RNF157: variants seen among roughly 807,000 people sequenced by gnomAD.
RNF157 encodes E3 ubiquitin ligase RNF157.
In RNF157, 55 loss-of-function variants were observed where a neutral mutation model predicts 88.3. The observed-to-expected ratio is 0.62, with a 90% CI of 0.50 to 0.78. The LOEUF is 0.78. Among genes scored for constraint, RNF157 ranks in the 30% least tolerant of loss-of-function variants. The pLI, the probability that RNF157 is intolerant of heterozygous loss-of-function variation, is 0.00. For synonymous variants in RNF157, 334 were observed against 341.2 expected, an observed-to-expected ratio of 0.98 and a Z score of 0.23; for missense variants, 788 against 860.8, an observed-to-expected ratio of 0.92 and a Z score of 1.06.
At chr17:76,189,698 C>A (rs527525149) in intron 2 of RNF157, among the ~76,000 whole-genome samples, 80 of 152,168 alleles carry the variant, frequency 5.3e-4, no homozygotes, top group Non-Finnish European at 9.8e-4. Context: ...ATCCCCATGG[C>A]TGAGGAAACA....
intron 2 of RNF157, among the ~76,000 whole-genome samples, chr17:76,191,951 T>G (rs1004413054): frequency 2.6e-5 from 4 of 152,196 alleles, no homozygotes; most frequent in African/African-American, 9.6e-5. Flanking sequence ...TCTTTGACAA[T>G]ACAATACAGA....
intron 17 of RNF157, chr17:76,153,379 C>T (rs893078957): frequency 2.0e-5 from 3 of 152,278 alleles, no homozygotes; most frequent in East Asian, 1.9e-4. Context: ...AGGTGGGAGC[C>T]GTCAGGTCCA....
At chr17:76,208,145 A>G (rs538656826) in intron 2 of RNF157, among the ~76,000 whole-genome samples, 20 of 152,116 alleles carry the variant, frequency 1.3e-4, no homozygotes, top group South Asian at 6.2e-4. Context: ...CTGGTTTTCA[A>G]TTTCTAGGCT....
chr17:76,158,464 C>T lies in RNF157; in HGVS notation c.1342G>A (p.Glu448Lys). The T allele has an allele frequency of 6.2e-7, 1 of 1,613,944 alleles. No individual in the cohort carries two copies. Among genetic ancestry groups the T allele is most frequent in the Non-Finnish European group, 8.5e-7 (1 of 1,179,874 alleles). The change falls in exon 13 of 19, where the codon GAA becomes AAA. Residue 448 changes from glutamate (E) to lysine (K), a missense_variant. By Grantham distance (56) the Glu-to-Lys change is moderately conservative. Coordinates refer to ENST00000269391, the MANE Select transcript of RNF157 (RefSeq NM_052916.3). The part of the protein sequence containing the change: ...SQNSSVLHEE[E>K]DEHSCSESET... Reference sequence around the variant, plus strand: ...GACTCGCTGCAGGAATGCTCATCTTCCTCTTCATGCAGCACGGAAGAGTTT... The same window carrying T: ...GACTCGCTGCAGGAATGCTCATCTTTCTCTTCATGCAGCACGGAAGAGTTT...
chr17:76,194,812 G>A (rs542984349), intron 2 of RNF157, among the ~76,000 whole-genome samples: 6 of 152,194 alleles, frequency 3.9e-5, no homozygotes, highest in Non-Finnish European at 7.4e-5. Context: ...TCAGGAGATC[G>A]AGACCATCCT....
chr17:76,143,360 CTG>C lies in RNF157; in HGVS notation c.*1873_*1874del, dbSNP rs1361962407. The C allele has an allele frequency of 6.6e-6, 1 of 152,234 alleles. No homozygotes were observed. Among genetic ancestry groups the C allele is most frequent in the African/African-American group, 2.4e-5 (1 of 41,422 alleles). 9.4% of individuals were successfully genotyped at this position (152,234 alleles called of 1,614,324 possible). On this transcript the variant is annotated 3_prime_UTR_variant, in exon 19 of 19. Transcript: ENST00000269391. Reference sequence around the variant, plus strand: ...CTCCCTCCTCCCAGGTAACACCACACTGTGAATACTACCTGCAGGGGACAGGA... The same window carrying C: ...CTCCCTCCTCCCAGGTAACACCACACTGAATACTACCTGCAGGGGACAGGA...
At chr17:76,201,905 T>C (rs550110743) in intron 2 of RNF157, among the ~76,000 whole-genome samples, 2 of 152,240 alleles carry the variant, frequency 1.3e-5, no homozygotes, top group African/African-American at 4.8e-5. Context: ...ACAATATACA[T>C]TGTAAATAGG....
chr17:76,188,584 T>C (rs1464519410), intron 2 of RNF157, among the ~76,000 whole-genome samples: 1 of 152,194 alleles, frequency 6.6e-6, no homozygotes, highest in Non-Finnish European at 1.5e-5. Context: ...GTGCAATAGA[T>C]GCAACAGATA....
intron 3 of RNF157, among the ~76,000 whole-genome samples, chr17:76,172,546 G>A (rs1028592082): frequency 1.4e-5 from 2 of 144,590 alleles, no homozygotes; most frequent in African/African-American, 5.2e-5. Flanking sequence ...AGCCGAGATC[G>A]CAGTGAGCCG....
chr17:76,210,005 G>A (rs1034990132), intron 2 of RNF157, among the ~76,000 whole-genome samples: 7 of 151,924 alleles, frequency 4.6e-5, no homozygotes, highest in Admixed American at 1.3e-4. Context: ...TGATCCGCCC[G>A]CCTCGGCCTC....
intron 2 of RNF157, among the ~76,000 whole-genome samples, chr17:76,207,634 G>A (rs1206120565): frequency 1.3e-5 from 2 of 152,144 alleles, no homozygotes; most frequent in Non-Finnish European, 2.9e-5. Context: ...TCTGCAAAGA[G>A]GAGTCGTTCT....
intron 2 of RNF157, among the ~76,000 whole-genome samples, chr17:76,192,546 C>T (rs1333840570): frequency 1.3e-5 from 2 of 152,152 alleles, no homozygotes; most frequent in East Asian, 3.8e-4. Context: ...CGGAAGAGTA[C>T]AGCATATGCC....
intron 2 of RNF157, among the ~76,000 whole-genome samples, chr17:76,187,614 G>C (rs890680204): frequency 6.6e-6 from 1 of 151,574 alleles, no homozygotes; most frequent in Non-Finnish European, 1.5e-5. Flanking sequence ...TTTTTTCTGA[G>C]ACAGGTTCTC....
At chr17:76,181,640 T>C (rs1326217821) in intron 2 of RNF157, among the ~76,000 whole-genome samples, 1 of 152,098 alleles carries the variant, frequency 6.6e-6, no homozygotes, top group Non-Finnish European at 1.5e-5. Flanking sequence ...TCGGGTGCGG[T>C]GGCTCACATC....
rs1009298356 is a variant in RNF157 at position 76,161,770 on chromosome 17, T to C, written c.952+73A>G. On this transcript the variant is annotated intron_variant, in intron 10 of 18. Coordinates refer to ENST00000269391, the MANE Select transcript of RNF157 (RefSeq NM_052916.3). This position sits in a 1 kb window ranked among gnomAD's most constrained non-coding sequence, Gnocchi z 4.6. ...GTTTGTCAGATCCAGCAGCAGCACA[T>C]GCTTCAGTGTTTTGTAAATGTCCTC... 6 of 1,561,466 alleles carry C rather than the reference T, an allele frequency of 3.8e-6. No individual in the cohort carries two copies. In the African/African-American group the frequency reaches 6.8e-5, roughly 18 times the overall value.
rs766644323 is a variant in RNF157, at chr17:76,158,385, T to A, written c.1413+8A>T. 1 of 1,593,456 alleles carries A rather than the reference T, an allele frequency of 6.3e-7. No homozygotes were observed. Among genetic ancestry groups the A allele is most frequent in the Admixed American group, 1.7e-5 (1 of 59,982 alleles). ...AACACCCAAGAAGAGGAGAGGAATG[T>A]CAATTACCTCTCCGAGATGCTGAAC... On this transcript the variant is annotated splice_region_variant and intron_variant, in intron 13 of 18. Transcript: ENST00000269391.
chr17:76,190,076 G>A (rs964524740), intron 2 of RNF157, among the ~76,000 whole-genome samples: 1 of 152,100 alleles, frequency 6.6e-6, no homozygotes, highest in African/African-American at 2.4e-5. Context: ...CAGTGGAATT[G>A]TGGAGACAAA....
chr17:76,234,447 C>T (rs1035794025), intron 1 of RNF157, among the ~76,000 whole-genome samples: 1 of 152,042 alleles, frequency 6.6e-6, no homozygotes, highest in African/African-American at 2.4e-5. Context: ...ACTGTCAAAC[C>T]GTTTTCCAAA....
At chr17:76,181,372 T>C (rs536221697) in intron 2 of RNF157, among the ~76,000 whole-genome samples, 1 of 151,852 alleles carries the variant, frequency 6.6e-6, no homozygotes, top group South Asian at 2.1e-4. Context: ...TTAACAGGAG[T>C]ATCTAAGGTC....
Sources: allele counts gnomAD v4.1 joint callset (sites outside exome capture counted in the v4.1 genomes callset), GRCh38; gene constraint gnomAD v4.1.1; non-coding constraint Gnocchi (gnomAD v3.1); transcripts MANE v1.5; gene names NCBI Gene and HGNC (gene_info 2026-07-23, HGNC 2026-07-21).